FAF1: variants seen among roughly 807,000 people sequenced by gnomAD.
FAF1 encodes the protein Fas associated factor 1, also known as FAS-associated factor 1.
FAF1 carries 25 observed loss-of-function variants against 92.5 expected under a neutral mutation model. The observed-to-expected ratio is 0.27, with a 90% confidence interval of 0.20 to 0.38. The LOEUF is 0.38. FAF1 is among the 10% of genes least tolerant of loss of function. The pLI is 1.00. For synonymous variants in FAF1, 234 were observed against 273.2 expected, an observed-to-expected ratio of 0.86 and a Z score of 1.42; for missense variants, 636 against 793.3, an observed-to-expected ratio of 0.80 and a Z score of 2.38.
intron 6 of FAF1, among the ~76,000 whole-genome samples, chr1:50,710,307 T>A (rs764710341): frequency 3.3e-5 from 5 of 152,170 alleles, no homozygotes; most frequent in Non-Finnish European, 7.3e-5. Context: ...AGAACACCAA[T>A]TTTGTCTAGT....
At chr1:50,473,675 A>G (rs1228758235) in intron 18 of FAF1, among the ~76,000 whole-genome samples, 1 of 152,200 alleles carries the variant, frequency 6.6e-6, no homozygotes, top group Non-Finnish European at 1.5e-5. Context: ...TGTGCCTTAT[A>G]TACAAATAAA....
At chr1:50,788,679 T>G (rs1661449980) in intron 3 of FAF1, among the ~76,000 whole-genome samples, 1 of 152,136 alleles carries the variant, frequency 6.6e-6, no homozygotes, top group Non-Finnish European at 1.5e-5. Flanking sequence ...CTTTTTCCAT[T>G]TTGCCAAGAA....
At chr1:50,634,070 C>T (rs975059732) in intron 8 of FAF1, among the ~76,000 whole-genome samples, 3 of 152,054 alleles carry the variant, frequency 2.0e-5, no homozygotes, top group Non-Finnish European at 4.4e-5. Flanking sequence ...GAATATTAAA[C>T]AATGTCATGA....
At chr1:50,588,771 CA>C (rs754725212) in intron 9 of FAF1, among the ~76,000 whole-genome samples, 6 of 152,190 alleles carry the variant, frequency 3.9e-5, no homozygotes, top group Non-Finnish European at 7.4e-5. Flanking sequence ...TGTCCAGCAA[CA>C]AAGGGCCATG....
chr1:50,722,806 C>T (rs756210653), intron 6 of FAF1, among the ~76,000 whole-genome samples: 28 of 152,142 alleles, frequency 1.8e-4, no homozygotes, highest in Non-Finnish European at 3.5e-4. Flanking sequence ...TCTCTAAAAT[C>T]CTATAAGGCA....
chr1:50,885,713 G>T (rs950910943), intron 1 of FAF1, among the ~76,000 whole-genome samples: 1 of 152,032 alleles, frequency 6.6e-6, no homozygotes, highest in African/African-American at 2.4e-5. Context: ...ATTTACTCCT[G>T]CCATTTTGTT....
At chr1:50,686,622 A>G (rs1569763294) in intron 7 of FAF1, among the ~76,000 whole-genome samples, 1 of 120,240 alleles carries the variant, frequency 8.3e-6, no homozygotes, top group Non-Finnish European at 1.7e-5. Flanking sequence ...AGGGGAGGGG[A>G]GCGGGGGAGA....
rs548011803 is a variant in FAF1, at chr1:50,905,609, A to G, written c.46-47612T>C. ...TGAGATGGTATCTGATTGTGGTTTT[A>G]ATTTGCATTTCTCTGATGGCCAGTG... On this transcript the variant is annotated intron_variant, in intron 1 of 18. Coordinates refer to ENST00000396153, the MANE Select transcript of FAF1 (RefSeq NM_007051.3). Among the ~76,000 whole-genome samples the G allele has an allele frequency of 4.6e-5, 7 of 152,202 alleles. 1 individual carries two copies. The South Asian group carries it at 1.0e-3, about 23-fold the overall frequency.
At chr1:50,882,650 G>A (rs1009808423) in intron 1 of FAF1, among the ~76,000 whole-genome samples, 2 of 143,780 alleles carry the variant, frequency 1.4e-5, no homozygotes, top group Non-Finnish European at 3.1e-5. Context: ...ATAAATAAAT[G>A]TGTATGTATG....
At chr1:50,912,464 G>A (rs1258291905) in intron 1 of FAF1, among the ~76,000 whole-genome samples, 2 of 152,190 alleles carry the variant, frequency 1.3e-5, no homozygotes, top group Non-Finnish European at 2.9e-5. Flanking sequence ...CATCTAGGTG[G>A]TGGTATTCTT....
intron 2 of FAF1, among the ~76,000 whole-genome samples, chr1:50,826,868 T>G (rs555662592): frequency 2.0e-4 from 30 of 152,114 alleles, no homozygotes; most frequent in Admixed American, 1.7e-3. Flanking sequence ...ACAAAAAAAT[T>G]CCAGACACCG....
chr1:50,545,222 T>C (rs1465306079), intron 13 of FAF1, among the ~76,000 whole-genome samples: 1 of 152,138 alleles, frequency 6.6e-6, no homozygotes, highest in Non-Finnish European at 1.5e-5. Flanking sequence ...CACATAAGCA[T>C]GTTAAAAAGA....
At chr1:50,664,187 G>A (rs553787304) in intron 7 of FAF1, among the ~76,000 whole-genome samples, 1 of 149,886 alleles carries the variant, frequency 6.7e-6, no homozygotes, top group South Asian at 2.1e-4. Context: ...TAGTAGAGAC[G>A]AGGTTTCACC....
intron 1 of FAF1, among the ~76,000 whole-genome samples, chr1:50,892,535 A>G (rs1418906076): frequency 6.6e-6 from 1 of 152,128 alleles, no homozygotes; most frequent in African/African-American, 2.4e-5. Context: ...TGCAGCCTGT[A>G]AGGTTTCCAC....
At chr1:50,690,985 T>C (rs1249967868) in intron 7 of FAF1, among the ~76,000 whole-genome samples, 2 of 152,234 alleles carry the variant, frequency 1.3e-5, no homozygotes, top group African/African-American at 4.8e-5. Flanking sequence ...ATTCATTCAT[T>C]AGTGGACTTC....
chr1:50,480,244 A>C (rs1646685083), intron 17 of FAF1, among the ~76,000 whole-genome samples: 1 of 152,210 alleles, frequency 6.6e-6, no homozygotes, highest in South Asian at 2.1e-4. Context: ...GTGAAAATAG[A>C]TACCCACAAA....
intron 13 of FAF1, among the ~76,000 whole-genome samples, chr1:50,546,894 C>A (rs1040380375): frequency 1.3e-5 from 2 of 152,058 alleles, no homozygotes; most frequent in Non-Finnish European, 2.9e-5. Flanking sequence ...CAGTGTTAAA[C>A]ATATTTTTCT....
At chr1:50,663,418 T>C (rs1038361511) in intron 7 of FAF1, among the ~76,000 whole-genome samples, 3 of 148,884 alleles carry the variant, frequency 2.0e-5, no homozygotes, top group Non-Finnish European at 4.5e-5. Context: ...AATTTCAATT[T>C]TTTTTTTTTT....
intron 1 of FAF1, among the ~76,000 whole-genome samples, chr1:50,907,488 C>T (rs972104307): frequency 3.9e-5 from 6 of 152,122 alleles, no homozygotes; most frequent in Non-Finnish European, 5.9e-5. Flanking sequence ...TGGTAGAATT[C>T]GGTTGTGAAT....
Sources: allele counts gnomAD v4.1 joint callset (sites outside exome capture counted in the v4.1 genomes callset), GRCh38; gene constraint gnomAD v4.1.1; transcripts MANE v1.5; gene names NCBI Gene and HGNC (gene_info 2026-07-23, HGNC 2026-07-21).